Variants in ZFHX3 observed in about 807,000 individuals in gnomAD.
ZFHX3 encodes the protein zinc finger homeobox 3.
ZFHX3 carries 42 observed loss-of-function variants against 279.1 expected under a neutral mutation model. The ratio of observed to expected loss-of-function variants is 0.15; its 90% CI spans 0.12 to 0.19. The LOEUF is 0.19. ZFHX3 is among the 10% of genes least tolerant of loss of function. The probability of loss-of-function intolerance (pLI) is 1.00; values close to 1 mark genes in which losing one functional copy is unlikely to be tolerated. For missense variants in ZFHX3, 4,981 were observed against 4,754.0 expected, an observed-to-expected ratio of 1.05 and a Z score of -1.40; for synonymous variants, 2,293 against 1,957.8, an observed-to-expected ratio of 1.17 and a Z score of -4.52.
At chr16:72,898,375 G>C (rs898684684) in intron 3 of ZFHX3, among the ~76,000 whole-genome samples, 12 of 152,208 alleles carry the variant, frequency 7.9e-5, no homozygotes, top group Admixed American at 3.9e-4. Flanking sequence ...AACAAGCCAT[G>C]ATTGCTCACT....
Position 73,002,021 on chromosome 16 carries a change from C to G in ZFHX3, c.-49-41827G>C, listed in dbSNP as rs1422144191. ...TCTCCATCCTCACAGATGACAGAGACACCTAACAGTCATGCCCCCAAATAA... is the reference window on the plus strand; with the variant it reads ...TCTCCATCCTCACAGATGACAGAGAGACCTAACAGTCATGCCCCCAAATAA... On this transcript the variant is annotated intron_variant, in intron 1 of 9. Coordinates refer to ENST00000268489, the MANE Select transcript of ZFHX3 (RefSeq NM_006885.4). Among the ~76,000 whole-genome samples, 5 of 152,088 alleles carry G rather than the reference C, an allele frequency of 3.3e-5. No homozygotes were observed. In the East Asian group the frequency reaches 9.6e-4, roughly 29 times the overall value.
chr16:73,508,773 G>T (rs1278902439), intron 2 of ZFHX3, among the ~76,000 whole-genome samples: 1 of 152,204 alleles, frequency 6.6e-6, no homozygotes, highest in African/African-American at 2.4e-5. Context: ...GACTTAGTGA[G>T]ACATAGGCCT....
intron 2 of ZFHX3, among the ~76,000 whole-genome samples, chr16:73,465,144 G>A (rs1567492205): frequency 2.6e-5 from 4 of 152,182 alleles, no homozygotes; most frequent in African/African-American, 4.8e-5. Flanking sequence ...GAGACACAGC[G>A]GACCCTTCAG....
chr16:73,385,270 T>C (rs1208605212), intron 3 of ZFHX3, among the ~76,000 whole-genome samples: 2 of 152,110 alleles, frequency 1.3e-5, no homozygotes, highest in African/African-American at 2.4e-5. Flanking sequence ...TGCTTTGCAA[T>C]TGAAAAAAAA....
intron 3 of ZFHX3, among the ~76,000 whole-genome samples, chr16:73,450,599 C>T (rs2018267259): frequency 6.6e-6 from 1 of 152,146 alleles, no homozygotes; most frequent in Admixed American, 6.5e-5. Context: ...TTTTTAAAAA[C>T]TCTGCTGTTT....
intron 5 of ZFHX3, among the ~76,000 whole-genome samples, chr16:73,149,475 C>A (rs1966890003): frequency 1.3e-5 from 2 of 152,268 alleles, no homozygotes; most frequent in African/African-American, 4.8e-5. Context: ...GCCACTCACT[C>A]CACACATCTG....
intron 7 of ZFHX3, among the ~76,000 whole-genome samples, chr16:73,095,598 C>T (rs1311200476): frequency 6.6e-6 from 1 of 152,154 alleles, no homozygotes; most frequent in Non-Finnish European, 1.5e-5. Flanking sequence ...TTGTGTCAGA[C>T]CTTACGTGAA....
At chr16:73,425,276 C>T (rs563200672) in intron 3 of ZFHX3, among the ~76,000 whole-genome samples, 6 of 152,262 alleles carry the variant, frequency 3.9e-5, no homozygotes, top group Admixed American at 3.3e-4. Flanking sequence ...CCTTGGGATG[C>T]GTGCTGATGC....
intron 4 of ZFHX3, among the ~76,000 whole-genome samples, chr16:73,286,105 G>A (rs547029030): frequency 6.6e-6 from 1 of 152,050 alleles, no homozygotes; most frequent in Non-Finnish European, 1.5e-5. Flanking sequence ...TGCTTTAGAC[G>A]GGGCCAACCA....
chr16:73,243,863 A>G (rs879651673), intron 5 of ZFHX3, among the ~76,000 whole-genome samples: 1 of 152,190 alleles, frequency 6.6e-6, no homozygotes, highest in Non-Finnish European at 1.5e-5. Flanking sequence ...GGAATTGATA[A>G]TAATAATAAA....
chr16:73,622,588 A>C (rs2052374376), intron 2 of ZFHX3, among the ~76,000 whole-genome samples: 1 of 151,954 alleles, frequency 6.6e-6, no homozygotes. Flanking sequence ...AAAGAAAGAA[A>C]GAATTTGGAA....
chr16:73,752,690 T>A (rs887643141), intron 1 of ZFHX3, among the ~76,000 whole-genome samples: 1 of 152,132 alleles, frequency 6.6e-6, no homozygotes, highest in South Asian at 2.1e-4. Flanking sequence ...GGGGGAAGAA[T>A]CAGCCCTAAC....
intron 2 of ZFHX3, among the ~76,000 whole-genome samples, chr16:73,457,567 G>A (rs915894610): frequency 9.9e-5 from 15 of 152,194 alleles, no homozygotes; most frequent in Admixed American, 2.6e-4. Context: ...GAGGCCAGGA[G>A]TTCAAGACCA....
intron 1 of ZFHX3, among the ~76,000 whole-genome samples, chr16:73,815,072 C>A (rs925795236): frequency 6.6e-6 from 1 of 152,174 alleles, no homozygotes; most frequent in African/African-American, 2.4e-5. Context: ...GTGTAACTTA[C>A]GGATGTAAAC....
rs565568911 is a variant in ZFHX3, at chr16:72,982,405, G to C, written c.-49-22211C>G. On this transcript the variant is annotated intron_variant, in intron 1 of 9. Coordinates refer to ENST00000268489, the MANE Select transcript of ZFHX3 (RefSeq NM_006885.4). ...CTGTGGTGCTCTTGGCTCCATGAAG[G>C]CATCATTTCCTTAAAGAGAATCACC... is the stretch of plus-strand genomic sequence containing the variant. Among the ~76,000 whole-genome samples, 6 of 152,266 alleles carry C rather than the reference G, an allele frequency of 3.9e-5. No individual in the cohort carries two copies. In the South Asian group the frequency reaches 6.2e-4, roughly 16 times the overall value.
intron 1 of ZFHX3, among the ~76,000 whole-genome samples, chr16:73,780,262 C>T: frequency 6.6e-6 from 1 of 150,796 alleles, no homozygotes; most frequent in Admixed American, 6.6e-5. Flanking sequence ...ATTCTTGTGC[C>T]TCAGCCTCCT....
chr16:73,579,746 C>T (rs954087192), intron 2 of ZFHX3, among the ~76,000 whole-genome samples: 3 of 149,644 alleles, frequency 2.0e-5, no homozygotes, highest in Non-Finnish European at 4.4e-5. Flanking sequence ...TCGTGATCCA[C>T]CCGCCCCAGC....
At chr16:73,550,025 C>T (rs192525471) in intron 2 of ZFHX3, among the ~76,000 whole-genome samples, 105 of 151,770 alleles carry the variant, frequency 6.9e-4, no homozygotes, top group Middle Eastern at 3.4e-3. Flanking sequence ...GCTGTTCAGA[C>T]GGGCGAGGGG....
intron 2 of ZFHX3, among the ~76,000 whole-genome samples, chr16:73,488,677 A>C (rs762116129): frequency 2.0e-5 from 3 of 152,220 alleles, no homozygotes; most frequent in Non-Finnish European, 4.4e-5. Context: ...GGATTCCTGG[A>C]AAATAAAACT....
Sources: gnomAD v4.1 joint callset for allele counts (sites outside exome capture counted in the v4.1 genomes callset) on GRCh38, gnomAD v4.1.1 for gene constraint, MANE v1.5 for transcripts, NCBI Gene and HGNC (gene_info 2026-07-23, HGNC 2026-07-21) for gene names.